CNTN5: variants seen among roughly 807,000 people sequenced by gnomAD.
The protein encoded by CNTN5 is contactin 5.
In CNTN5, 77 loss-of-function variants were observed where a neutral mutation model predicts 129.1. The observed-to-expected ratio is 0.60, with a 90% CI of 0.50 to 0.72. CNTN5 has a LOEUF of 0.72. CNTN5 is among the 30% of genes least tolerant of loss of function. The pLI is 0.00. For synonymous variants in CNTN5, 509 were observed against 465.6 expected (o/e 1.09, Z -1.20); for missense variants, 1,478 against 1,328.8 (o/e 1.11, Z -1.75).
At chr11:99,771,598 G>T (rs1213311255) in intron 3 of CNTN5, among the ~76,000 whole-genome samples, 1 of 151,928 alleles carries the variant, frequency 6.6e-6, no homozygotes, top group Non-Finnish European at 1.5e-5. Flanking sequence ...CTAAAAAAGT[G>T]AACTTGGAAA....
intron 2 of CNTN5, among the ~76,000 whole-genome samples, chr11:99,441,788 C>T (rs969919757): frequency 3.9e-5 from 6 of 152,144 alleles, no homozygotes; most frequent in African/African-American, 1.2e-4. Flanking sequence ...TACAGCTTGG[C>T]TCAGAACTCT....
chr11:99,739,739 C>T (rs1161049864), intron 3 of CNTN5, among the ~76,000 whole-genome samples: 2 of 152,122 alleles, frequency 1.3e-5, no homozygotes, highest in African/African-American at 4.8e-5. Context: ...ACTTATTCTT[C>T]GTTTTTGCTT....
At chr11:99,587,253 C>T (rs1025992366) in intron 3 of CNTN5, among the ~76,000 whole-genome samples, 2 of 152,096 alleles carry the variant, frequency 1.3e-5, no homozygotes, top group African/African-American at 2.4e-5. Context: ...CACAGGATCT[C>T]CTCATAGAAT....
intron 3 of CNTN5, among the ~76,000 whole-genome samples, chr11:99,753,414 G>T (rs1447221206): frequency 1.3e-5 from 2 of 150,904 alleles, no homozygotes; most frequent in African/African-American, 4.9e-5. Flanking sequence ...GAGCCACCGC[G>T]CCCGGCCTGC....
At chr11:99,817,028 G>C (rs1466334044) in intron 3 of CNTN5, among the ~76,000 whole-genome samples, 1 of 152,174 alleles carries the variant, frequency 6.6e-6, no homozygotes, top group African/African-American at 2.4e-5. Context: ...CTGAATGAGA[G>C]TTTTCTCTAC....
At chr11:99,242,645 A>G (rs914756239) in intron 1 of CNTN5, among the ~76,000 whole-genome samples, 1 of 151,752 alleles carries the variant, frequency 6.6e-6, no homozygotes, top group Non-Finnish European at 1.5e-5. Flanking sequence ...TTTCCTCCCA[A>G]CTCTGGTAGT....
chr11:99,946,343 AC>A (rs35848542), intron 7 of CNTN5, among the ~76,000 whole-genome samples: 1 of 152,156 alleles, frequency 6.6e-6, no homozygotes, highest in Non-Finnish European at 1.5e-5. Flanking sequence ...TTATTAATTA[AC>A]CTACAAACTA....
chr11:99,864,280 C>A (rs1263048208), intron 6 of CNTN5, among the ~76,000 whole-genome samples: 1 of 151,890 alleles, frequency 6.6e-6, no homozygotes, highest in Non-Finnish European at 1.5e-5. Flanking sequence ...GAGATACTAT[C>A]CTGTAGTAAT....
At position 99,440,316 on chromosome 11, in the gene CNTN5, A is replaced by G. The variant is rs576012170; in HGVS notation, c.-71+114832A>G. Among the ~76,000 whole-genome samples, 3 of 152,200 alleles carry G rather than the reference A, an allele frequency of 2.0e-5. No homozygotes were observed. The South Asian group carries it at 6.2e-4, about 32-fold the overall frequency. On this transcript the variant is annotated intron_variant, in intron 2 of 24. Coordinates refer to ENST00000524871, the MANE Select transcript of CNTN5 (RefSeq NM_014361.4). ...GACTTCTTGTACACCTAAAATGACA[A>G]CTGGAATTATTACTAACATTTAAAA...
intron 21 of CNTN5, among the ~76,000 whole-genome samples, chr11:100,313,242 A>G (rs1035580147): frequency 6.6e-6 from 1 of 152,040 alleles, no homozygotes; most frequent in South Asian, 2.1e-4. Context: ...AAGAAAGGTC[A>G]GAGAATTGAA....
In CNTN5 at chr11:99,137,872, A is replaced by T. The variant is rs185937182; in HGVS notation, c.-210+116602A>T. On this transcript the variant is annotated intron_variant, in intron 1 of 24. Transcript: ENST00000524871. The stretch of plus-strand genomic sequence containing the variant: ...AGGGTATTTCTCCCCTGCAAGTTTA[A>T]CATTAACATTCTCACTATAGACATC... Among the ~76,000 whole-genome samples the T allele has an allele frequency of 4.8e-3, 737 of 152,288 alleles. 3 individuals are homozygous for T. The highest frequency in any genetic ancestry group is 7.1e-3 in the Non-Finnish European group (482 of 68,012).
intron 1 of CNTN5, among the ~76,000 whole-genome samples, chr11:99,040,188 A>G (rs1192111269): frequency 4.6e-5 from 7 of 152,182 alleles, no homozygotes; most frequent in Non-Finnish European, 1.5e-5. Context: ...TATGATACAA[A>G]TACATGCAAA....
At chr11:99,069,329 C>T (rs867071404) in intron 1 of CNTN5, among the ~76,000 whole-genome samples, 1 of 151,910 alleles carries the variant, frequency 6.6e-6, no homozygotes, top group Admixed American at 6.6e-5. Flanking sequence ...GTCAGGTGAA[C>T]TTTAAGTGGA....
At position 99,837,684 on chromosome 11, in the gene CNTN5, TAA is replaced by T. The variant is rs34378760; in HGVS notation, c.278-7149_278-7148del. Among the ~76,000 whole-genome samples, 1,039 of 112,576 alleles carry T rather than the reference TAA, an allele frequency of 9.2e-3. 14 individuals carry two copies. Among genetic ancestry groups the T allele is most frequent in the African/African-American group, 0.026 (743 of 28,606 alleles). 73.9% of individuals were successfully genotyped at this position (112,576 alleles called of 152,430 possible). ...CTAGCCAGTACTTGCCACACATGAG[TAA>T]AAAAAAAAAAAAAAAAAACCTATCA... On this transcript the variant is annotated intron_variant, in intron 4 of 24. Coordinates refer to ENST00000524871, the MANE Select transcript of CNTN5 (RefSeq NM_014361.4).
chr11:100,226,934 A>G (rs1949387056), intron 16 of CNTN5, among the ~76,000 whole-genome samples: 1 of 152,078 alleles, frequency 6.6e-6, no homozygotes, highest in South Asian at 2.1e-4. Context: ...TTCTAATAGT[A>G]TATGCCACAG....
chr11:99,536,014 C>A (rs1310578957), intron 2 of CNTN5, among the ~76,000 whole-genome samples: 1 of 152,046 alleles, frequency 6.6e-6, no homozygotes, highest in African/African-American at 2.4e-5. Context: ...ACATTCTAAA[C>A]TATTTAATAG....
chr11:100,034,002 C>T (rs2137630081), intron 9 of CNTN5, among the ~76,000 whole-genome samples: 1 of 152,260 alleles, frequency 6.6e-6, no homozygotes, highest in Non-Finnish European at 1.5e-5. Context: ...AATGCAAATC[C>T]ACCTTCATTC....
intron 1 of CNTN5, among the ~76,000 whole-genome samples, chr11:99,116,885 G>A (rs1330515593): frequency 1.3e-5 from 2 of 152,116 alleles, no homozygotes; most frequent in Non-Finnish European, 2.9e-5. Context: ...GTAAGCTGCT[G>A]GATACATAAA....
chr11:99,223,638 ATC>A (rs1173665075), intron 1 of CNTN5, among the ~76,000 whole-genome samples: 2 of 152,152 alleles, frequency 1.3e-5, no homozygotes, highest in African/African-American at 2.4e-5. Flanking sequence ...CAACAAAATA[ATC>A]TGTCTTATAC....
Sources: allele counts gnomAD v4.1 joint callset (sites outside exome capture counted in the v4.1 genomes callset), GRCh38; gene constraint gnomAD v4.1.1; transcripts MANE v1.5; gene names NCBI Gene and HGNC (gene_info 2026-07-23, HGNC 2026-07-21).